Variants in PPARA observed in about 807,000 individuals in gnomAD.
PPARA encodes peroxisome proliferator activated receptor alpha.
In PPARA, 22 loss-of-function variants were observed where a neutral mutation model predicts 42.2. The ratio of observed to expected loss-of-function variants is 0.52; its 90% CI spans 0.37 to 0.74. The LOEUF is 0.74. Ranked by LOEUF, PPARA falls within the 30% of genes least tolerant of loss-of-function variation. PPARA has a pLI of 0.00. For missense variants in PPARA, 465 were observed against 608.2 expected (o/e 0.76, Z 2.48); for synonymous variants, 242 against 239.3 (o/e 1.01, Z -0.10).
Position 46,177,067 on chromosome 22 carries a change from C to T in PPARA, c.-43+231C>T, listed in dbSNP as rs564264954. 1.5e-3 allele frequency among the ~76,000 whole-genome samples: 222 copies of T among 152,120 alleles called. 1 individual carries two copies. The highest frequency in any genetic ancestry group is 2.5e-3 in the Non-Finnish European group (169 of 67,984). Reference sequence around the variant, plus strand: ...CTACTACAAATACAAAAAAATTAGCCGGGCATGGTGGCAGGCGCCTGTAGT... The same window carrying T: ...CTACTACAAATACAAAAAAATTAGCTGGGCATGGTGGCAGGCGCCTGTAGT... On this transcript the variant is annotated intron_variant, in intron 3 of 8. Coordinates refer to ENST00000407236, the MANE Select transcript of PPARA (RefSeq NM_005036.6).
chr22:46,197,957 C>T (rs1193726477), intron 3 of PPARA, among the ~76,000 whole-genome samples: 1 of 151,316 alleles, frequency 6.6e-6, no homozygotes, highest in Non-Finnish European at 1.5e-5. Context: ...AACAGCCGGA[C>T]GCAGTGGCTC....
In PPARA at chr22:46,188,450, C is replaced by T. The variant is rs768239262; in HGVS notation, c.-42-9892C>T. 6.6e-6 allele frequency among the ~76,000 whole-genome samples: 1 copy of T among 152,080 alleles called. No individual in the cohort carries two copies. Among genetic ancestry groups the T allele is most frequent in the Non-Finnish European group, 1.5e-5 (1 of 68,020 alleles). ...TTGGGTGTCCCTTCCTGTATGTAGG[C>T]TCCCTGGCCCTCCAGGATTCCCCCA... is the stretch of plus-strand genomic sequence containing the variant. On this transcript the variant is annotated intron_variant, in intron 3 of 8. Coordinates refer to ENST00000407236, the MANE Select transcript of PPARA (RefSeq NM_005036.6). The surrounding 1 kb of genome is among the most constrained non-coding windows in gnomAD (Gnocchi z 5.0).
In PPARA at chr22:46,231,967, G is replaced by C. The variant is rs913307394; in HGVS notation, c.887G>C (p.Gly296Ala). The C allele has an allele frequency of 6.2e-7, 1 of 1,614,224 alleles. No homozygotes were observed. Among genetic ancestry groups the C allele is most frequent in the Non-Finnish European group, 8.5e-7 (1 of 1,180,048 alleles). Residue 296 changes from glycine to alanine, a missense_variant, in exon 8 of 9, where the codon GGC becomes GCC. This residue lies in a region of PPARA where 313 missense variants were observed against 469.1 expected (regional missense o/e 0.67). Coordinates refer to ENST00000407236, the MANE Select transcript of PPARA (RefSeq NM_005036.6). This position sits in a 1 kb window ranked among gnomAD's most constrained non-coding sequence, Gnocchi z 7.7. ...ACGGAATTCGCCAAGGCCATCCCAG[G>C]CTTCGCAAACTTGGACCTGAACGAT... ...ELTEFAKAIP[G>A]FANLDLNDQV...
rs77507668 is a variant in PPARA, at chr22:46,162,560, G to A, written c.-127+10590G>A. Among the ~76,000 whole-genome samples, 1,827 of 152,204 alleles carry A rather than the reference G, an allele frequency of 0.012. 42 individuals are homozygous for A. The highest frequency in any genetic ancestry group is 0.041 in the African/African-American group (1,704 of 41,526). On this transcript the variant is annotated intron_variant, in intron 2 of 8. Coordinates refer to ENST00000407236, the MANE Select transcript of PPARA (RefSeq NM_005036.6). This position sits in a 1 kb window ranked among gnomAD's most constrained non-coding sequence, Gnocchi z 6.0. ...TGTAACACCTGGTGCTTTTCCTTTCGTGCACTCAGGCAGTGTTTATTCAAG... is the reference window on the plus strand; with the variant it reads ...TGTAACACCTGGTGCTTTTCCTTTCATGCACTCAGGCAGTGTTTATTCAAG...
chr22:46,220,305 A>T (rs1934897121), intron 7 of PPARA: 1 of 417,334 alleles, frequency 2.4e-6, no homozygotes, highest in African/African-American at 2.0e-5. Flanking sequence ...TACTAAGATG[A>T]TTTCTTAGGA....
chr22:46,175,066 A>C (rs1163022210), intron 2 of PPARA, among the ~76,000 whole-genome samples: 1 of 151,750 alleles, frequency 6.6e-6, no homozygotes, highest in Admixed American at 6.6e-5. Context: ...CGTGCACCAC[A>C]CCTGGCTCGT....
chr22:46,217,369 C>T (rs4253748), intron 5 of PPARA, among the ~76,000 whole-genome samples: 3,430 of 152,282 alleles, frequency 0.023, 112 homozygotes, highest in African/African-American at 0.078. Flanking sequence ...TTTGAAAAAG[C>T]TCCTTATAAA....
At position 46,227,608 on chromosome 22, in the gene PPARA, G is replaced by A. The variant is rs937086712; in HGVS notation, c.712-4184G>A. On this transcript the variant is annotated intron_variant, in intron 7 of 8. Transcript: ENST00000407236. This position sits in a 1 kb window ranked among gnomAD's most constrained non-coding sequence, Gnocchi z 4.3. ...TGCTAACAGAGATGAATTCTCATGA[G>A]TGATATCATTGAGCTTCGTAGGCCA... 1.3e-5 allele frequency among the ~76,000 whole-genome samples: 2 copies of A among 152,186 alleles called. No homozygotes were observed. Among genetic ancestry groups the A allele is most frequent in the Admixed American group, 1.3e-4 (2 of 15,274 alleles).
At chr22:46,205,565 T>A (rs1312436205) in intron 4 of PPARA, among the ~76,000 whole-genome samples, 4 of 73,740 alleles carry the variant, frequency 5.4e-5, no homozygotes, top group African/African-American at 1.5e-4. Context: ...TTTTTTTTTT[T>A]TTTTTTTTTT....
In PPARA at chr22:46,150,668, CGGGCGGGCGGGCGGGA is replaced by C. The variant is rs1324178959; in HGVS notation, c.-210+17_-210+32del. 6 of 14,476 alleles carry C rather than the reference CGGGCGGGCGGGCGGGA, an allele frequency of 4.1e-4. No homozygotes were observed. Among genetic ancestry groups the C allele is most frequent in the African/African-American group, 1.1e-3 (4 of 3,592 alleles). The allele number at this position is 14,476 out of a possible 1,614,324, so 0.9% of individuals were successfully genotyped here. On this transcript the variant is annotated intron_variant, in intron 1 of 8. Transcript: ENST00000407236. This position sits in a 1 kb window ranked among gnomAD's most constrained non-coding sequence, Gnocchi z 7.5. ...CGCGGCCCAGGTGCCCGGGGGCGGG[CGGGCGGGCGGGCGGGA>C]ACGCGCGCGGGGGTCCGCGGTCCGG...
At chr22:46,172,248 AG>A (rs1252217324) in intron 2 of PPARA, among the ~76,000 whole-genome samples, 1 of 146,082 alleles carries the variant, frequency 6.8e-6, no homozygotes, top group African/African-American at 2.5e-5. Flanking sequence ...GGAAGTGAGG[AG>A]GGAGTTAGTG....
intron 3 of PPARA, among the ~76,000 whole-genome samples, chr22:46,181,894 G>A (rs895949586): frequency 1.3e-5 from 2 of 152,350 alleles, no homozygotes; most frequent in Admixed American, 1.3e-4. Flanking sequence ...GAAAGAAAAA[G>A]CCACAGGAAA....
At position 46,178,749 on chromosome 22, in the gene PPARA, G is replaced by A. The variant is rs117691119; in HGVS notation, c.-43+1913G>A. ...GCCAGGAATGGTGCCTGATACTCAC[G>A]CAGGGCCAGGAACAGTGCAGGGATG... On this transcript the variant is annotated intron_variant, in intron 3 of 8. Coordinates refer to ENST00000407236, the MANE Select transcript of PPARA (RefSeq NM_005036.6). Among the ~76,000 whole-genome samples, 1,047 of 152,242 alleles carry A rather than the reference G, an allele frequency of 6.9e-3. 13 individuals are homozygous for A. The highest frequency in any genetic ancestry group is 8.0e-3 in the Non-Finnish European group (545 of 68,008).
At chr22:46,208,715 C>G (rs1933633828) in intron 4 of PPARA, among the ~76,000 whole-genome samples, 1 of 152,170 alleles carries the variant, frequency 6.6e-6, no homozygotes. Context: ...CCCTCAACCT[C>G]AGCCCCTGAT....
At position 46,230,448 on chromosome 22, in the gene PPARA, CAG is replaced by C. The variant is rs1423108554; in HGVS notation, c.712-1338_712-1337del. On this transcript the variant is annotated intron_variant, in intron 7 of 8. Transcript: ENST00000407236. This position sits in a 1 kb window ranked among gnomAD's most constrained non-coding sequence, Gnocchi z 5.0. ...CATGAGCTGTGGACCACATTATAAT[CAG>C]AGAGATCTCTCAGATGTTGTCACTT... Among the ~76,000 whole-genome samples, 2 of 152,196 alleles carry C rather than the reference CAG, an allele frequency of 1.3e-5. No individual in the cohort carries two copies. The highest frequency in any genetic ancestry group is 2.9e-5 in the Non-Finnish European group (2 of 68,034).
In PPARA at chr22:46,187,630, T is replaced by C. The variant is rs1240538652; in HGVS notation, c.-42-10712T>C. On this transcript the variant is annotated intron_variant, in intron 3 of 8. Coordinates refer to ENST00000407236, the MANE Select transcript of PPARA (RefSeq NM_005036.6). This position sits in a 1 kb window ranked among gnomAD's most constrained non-coding sequence, Gnocchi z 4.9. ...TGATACAAATCTGATCACGTCACAC[T>C]TCCCTTCAATAGTCTTCCATGGCTC... is the stretch of plus-strand genomic sequence containing the variant. Among the ~76,000 whole-genome samples, 1 of 152,228 alleles carries C rather than the reference T, an allele frequency of 6.6e-6. No homozygotes were observed. Among genetic ancestry groups the C allele is most frequent in the Middle Eastern group, 3.2e-3 (1 of 316 alleles).
chr22:46,168,758 A>C (rs1488355862), intron 2 of PPARA, among the ~76,000 whole-genome samples: 1 of 151,964 alleles, frequency 6.6e-6, no homozygotes, highest in Non-Finnish European at 1.5e-5. Context: ...CACCCACAAG[A>C]GTGGCTGTAA....
chr22:46,217,150 G>A (rs943842630), intron 5 of PPARA, among the ~76,000 whole-genome samples: 60 of 152,088 alleles, frequency 3.9e-4, no homozygotes, highest in Non-Finnish European at 4.6e-4. Context: ...AACCCCATGC[G>A]TTCCTCAGCC....
chr22:46,223,385 G>A (rs570500209), intron 7 of PPARA, among the ~76,000 whole-genome samples: 15 of 152,234 alleles, frequency 9.9e-5, no homozygotes, highest in African/African-American at 3.6e-4. Context: ...GCTCATGCCT[G>A]TAATCCCAGC....
Sources: allele counts gnomAD v4.1 joint callset (sites outside exome capture counted in the v4.1 genomes callset), GRCh38; gene constraint gnomAD v4.1.1; regional missense constraint gnomAD v4.1.1; non-coding constraint Gnocchi (gnomAD v3.1); transcripts MANE v1.5; gene names NCBI Gene and HGNC (gene_info 2026-07-23, HGNC 2026-07-21).